The following RALYL variants were observed in gnomAD, a reference collection of about 807,000 sequenced individuals.
RALYL encodes RNA-binding Raly-like protein.
In RALYL, 29 loss-of-function variants were observed where a neutral mutation model predicts 35.1. The ratio of observed to expected loss-of-function variants is 0.83; its 90% CI spans 0.61 to 1.13. RALYL has a LOEUF of 1.13. Among genes scored for constraint, RALYL ranks in the 50% most tolerant of loss-of-function variants. The probability of loss-of-function intolerance (pLI) is 0.00; values close to 1 mark genes in which losing one functional copy is unlikely to be tolerated. For synonymous variants in RALYL, 120 were observed against 127.6 expected, an observed-to-expected ratio of 0.94 and a Z score of 0.40; for missense variants, 359 against 360.4, an observed-to-expected ratio of 1.00 and a Z score of 0.03.
At chr8:84,727,729 T>G (rs1418909153) in intron 2 of RALYL, among the ~76,000 whole-genome samples, 3 of 151,202 alleles carry the variant, frequency 2.0e-5, no homozygotes, top group African/African-American at 7.3e-5. Flanking sequence ...CGTGTTTGGT[T>G]TTTTTGTTCT....
chr8:84,474,994 G>A (rs181467906), intron 1 of RALYL, among the ~76,000 whole-genome samples: 13 of 151,232 alleles, frequency 8.6e-5, no homozygotes, highest in African/African-American at 2.7e-4. Flanking sequence ...CATGTGCCAT[G>A]TTGGTTTGCT....
intron 6 of RALYL, among the ~76,000 whole-genome samples, chr8:84,866,168 T>G (rs1391978533): frequency 1.3e-5 from 2 of 152,148 alleles, no homozygotes; most frequent in Non-Finnish European, 2.9e-5. Flanking sequence ...TGAGTTTAGA[T>G]GAGCCAGTAG....
chr8:84,736,298 A>G (rs551952773), intron 2 of RALYL, among the ~76,000 whole-genome samples: 1 of 152,120 alleles, frequency 6.6e-6, no homozygotes, highest in Non-Finnish European at 1.5e-5. Flanking sequence ...CAATAATCCA[A>G]CAATTCTATC....
intron 1 of RALYL, among the ~76,000 whole-genome samples, chr8:84,197,568 T>G (rs1217041402): frequency 6.6e-6 from 1 of 152,182 alleles, no homozygotes; most frequent in African/African-American, 2.4e-5. Flanking sequence ...AAACCATTGC[T>G]TTATTTTTCT....
chr8:84,223,425 C>T (rs2131338925), intron 1 of RALYL, among the ~76,000 whole-genome samples: 1 of 152,018 alleles, frequency 6.6e-6, no homozygotes, highest in East Asian at 1.9e-4. Flanking sequence ...TTTTTGGTGG[C>T]ACTTAGGGAT....
chr8:84,683,481 C>CCA (rs1432503292), intron 2 of RALYL, among the ~76,000 whole-genome samples: 3 of 152,016 alleles, frequency 2.0e-5, no homozygotes, highest in African/African-American at 7.2e-5. Flanking sequence ...CAGTCTAAGT[C>CCA]TATTTGTAGG....
chr8:84,601,417 A>G (rs767922870), intron 2 of RALYL, among the ~76,000 whole-genome samples: 4 of 152,104 alleles, frequency 2.6e-5, no homozygotes, highest in Non-Finnish European at 2.9e-5. Context: ...GCTGGCCTCT[A>G]TGAGAAATTA....
At chr8:84,773,712 T>C (rs1251103665) in intron 2 of RALYL, among the ~76,000 whole-genome samples, 1 of 152,230 alleles carries the variant, frequency 6.6e-6, no homozygotes, top group Non-Finnish European at 1.5e-5. Flanking sequence ...TTCCAGTTGC[T>C]GAGTGCATTT....
rs1053647755 is a variant in RALYL at position 84,342,295 on chromosome 8, T to TATATATATATATAA, written c.-24+157872_-24+157873insTATATATATATAAA. On this transcript the variant is annotated intron_variant, in intron 1 of 8. Coordinates refer to ENST00000521268, the MANE Select transcript of RALYL (RefSeq NM_173848.7). ...ATCGTTCAATATATATATATATATA[T>TATATATATATATAA]AAAACTCAAAAAGTGTGGTCCTCCC... 2.9e-3 allele frequency among the ~76,000 whole-genome samples: 342 copies of TATATATATATATAA among 119,700 alleles called. 39 individuals carry two copies. Among genetic ancestry groups the TATATATATATATAA allele is most frequent in the African/African-American group, 0.012 (311 of 26,650 alleles). 78.5% of individuals were successfully genotyped at this position (119,700 alleles called of 152,430 possible).
intron 2 of RALYL, among the ~76,000 whole-genome samples, chr8:84,620,692 T>C (rs1362581780): frequency 6.6e-6 from 1 of 151,926 alleles, no homozygotes; most frequent in African/African-American, 2.4e-5. Flanking sequence ...GTTTCCAGTT[T>C]TTCTGTTCTG....
chr8:84,369,144 G>T (rs1010633341), intron 1 of RALYL, among the ~76,000 whole-genome samples: 11 of 152,050 alleles, frequency 7.2e-5, no homozygotes, highest in Admixed American at 5.9e-4. Context: ...ATTTTGTACT[G>T]AAGTTTATCG....
At chr8:84,787,366 C>G (rs950883145) in intron 3 of RALYL, among the ~76,000 whole-genome samples, 1 of 152,150 alleles carries the variant, frequency 6.6e-6, no homozygotes, top group Non-Finnish European at 1.5e-5. Flanking sequence ...GCATAGTATT[C>G]CATTGTGTAT....
At chr8:84,842,886 G>A (rs1028465028) in intron 4 of RALYL, among the ~76,000 whole-genome samples, 11 of 152,116 alleles carry the variant, frequency 7.2e-5, no homozygotes, top group Admixed American at 3.9e-4. Flanking sequence ...TATCTCAATA[G>A]ACACAGAAAG....
intron 3 of RALYL, among the ~76,000 whole-genome samples, chr8:84,794,309 G>C (rs940765986): frequency 4.6e-5 from 7 of 152,176 alleles, no homozygotes; most frequent in Non-Finnish European, 8.8e-5. Flanking sequence ...ATTCTGCAAA[G>C]AGCAGGACTG....
At chr8:84,458,032 G>T (rs2050334354) in intron 1 of RALYL, among the ~76,000 whole-genome samples, 1 of 151,698 alleles carries the variant, frequency 6.6e-6, no homozygotes, top group Admixed American at 6.6e-5. Flanking sequence ...TTTTTAAATT[G>T]TTGAATATAA....
chr8:84,543,780 T>C (rs2060175972), intron 2 of RALYL, among the ~76,000 whole-genome samples: 1 of 152,120 alleles, frequency 6.6e-6, no homozygotes, highest in Non-Finnish European at 1.5e-5. Context: ...CATAATTTCC[T>C]GCCCCATGTT....
At chr8:84,315,177 C>A (rs985842064) in intron 1 of RALYL, among the ~76,000 whole-genome samples, 3 of 152,034 alleles carry the variant, frequency 2.0e-5, no homozygotes, top group African/African-American at 4.8e-5. Context: ...TAAATTACAA[C>A]CCATATACAC....
chr8:84,303,365 CA>C (rs1455294614), intron 1 of RALYL, among the ~76,000 whole-genome samples: 1 of 152,100 alleles, frequency 6.6e-6, no homozygotes, highest in Admixed American at 6.5e-5. Flanking sequence ...GTAAATACTA[CA>C]AAAAACATTT....
chr8:84,504,044 C>A (rs960170866), intron 1 of RALYL, among the ~76,000 whole-genome samples: 2 of 151,966 alleles, frequency 1.3e-5, no homozygotes, highest in South Asian at 4.1e-4. Context: ...AAATTCCTTG[C>A]AGATGAAAGT....
Sources: gnomAD v4.1 joint callset for allele counts (sites outside exome capture counted in the v4.1 genomes callset) on GRCh38, gnomAD v4.1.1 for gene constraint, MANE v1.5 for transcripts, NCBI Gene and HGNC (gene_info 2026-07-23, HGNC 2026-07-21) for gene names.